DNER: variants seen among roughly 807,000 people sequenced by gnomAD.
DNER encodes the protein delta/notch like EGF repeat containing.
DNER carries 33 observed loss-of-function variants against 78.2 expected under a neutral mutation model. The observed-to-expected ratio is 0.42, with a 90% CI of 0.32 to 0.56. The LOEUF (loss-of-function observed/expected upper bound fraction) is 0.56. Ranked by LOEUF, DNER falls within the 20% of genes least tolerant of loss-of-function variation. DNER has a pLI of 0.11. For missense variants in DNER, 918 were observed against 975.3 expected (o/e 0.94, Z 0.78); for synonymous variants, 417 against 384.8 (o/e 1.08, Z -0.98).
At chr2:229,555,075 A>C (rs1269964035) in intron 4 of DNER, among the ~76,000 whole-genome samples, 2 of 152,084 alleles carry the variant, frequency 1.3e-5, no homozygotes, top group Non-Finnish European at 2.9e-5. Flanking sequence ...AGTCAGAGTG[A>C]GTGGAGACAT....
chr2:229,714,158 G>A lies in DNER; in HGVS notation c.266C>T (p.Ala89Val). The change falls in exon 1 of 13, where the codon GCC becomes GTC. Residue 89 changes from alanine to valine, a missense_variant. By Grantham distance (64) the Ala-to-Val change is moderately conservative. Coordinates refer to ENST00000341772, the MANE Select transcript of DNER (RefSeq NM_139072.4). The part of the protein sequence containing the change: ...SCTCPAGISG[A>V]NCQLVADPCA... ...GCCGCTTCCACTCACCTGGCAGTTG[G>A]CGCCGGAGATCCCGGCGGGGCAGGT... is the stretch of plus-strand genomic sequence containing the variant. 7.6e-7 allele frequency: 1 copy of A among 1,321,196 alleles called. No homozygotes were observed. The highest frequency in any genetic ancestry group is 9.6e-7 in the Non-Finnish European group (1 of 1,038,712). The allele number at this position is 1,321,196 out of a possible 1,614,324, so 81.8% of individuals were successfully genotyped here.
chr2:229,371,264 C>T (rs961616629), intron 11 of DNER, among the ~76,000 whole-genome samples: 1 of 152,212 alleles, frequency 6.6e-6, no homozygotes, highest in African/African-American at 2.4e-5. Flanking sequence ...CAGGTGCCTG[C>T]AACCACCATC....
intron 4 of DNER, among the ~76,000 whole-genome samples, chr2:229,564,513 TC>T (rs1697059871): frequency 6.8e-6 from 1 of 146,716 alleles, no homozygotes; most frequent in Admixed American, 6.8e-5. Flanking sequence ...ATCATCATCA[TC>T]CTCCTTACCC....
chr2:229,452,112 T>C (rs1694470269), intron 7 of DNER, among the ~76,000 whole-genome samples: 1 of 152,220 alleles, frequency 6.6e-6, no homozygotes, highest in South Asian at 2.1e-4. Context: ...ATTCTGAGGC[T>C]ACTGGATATC....
At chr2:229,500,184 C>G (rs905755680) in intron 6 of DNER, among the ~76,000 whole-genome samples, 2 of 152,290 alleles carry the variant, frequency 1.3e-5, no homozygotes, top group East Asian at 3.9e-4. Flanking sequence ...CTGCCCTCCT[C>G]GGCCTCTCAC....
chr2:229,580,092 C>T (rs1407783705), intron 4 of DNER: 1 of 152,140 alleles, frequency 6.6e-6, no homozygotes, highest in African/African-American at 2.4e-5. Context: ...TCTTTTCAGG[C>T]TAGAAATGTA....
At chr2:229,424,730 T>C (rs944074696) in intron 8 of DNER, among the ~76,000 whole-genome samples, 1 of 152,280 alleles carries the variant, frequency 6.6e-6, no homozygotes, top group South Asian at 2.1e-4. Context: ...CTTCAACATA[T>C]GAATTTGGGG....
intron 1 of DNER, among the ~76,000 whole-genome samples, chr2:229,697,200 G>A (rs1015805551): frequency 1.4e-4 from 21 of 152,196 alleles, no homozygotes; most frequent in Admixed American, 1.2e-3. Context: ...ATACTGCAAC[G>A]TGGATGAATC....
chr2:229,430,887 T>A (rs1421449980), intron 8 of DNER, among the ~76,000 whole-genome samples: 1 of 151,988 alleles, frequency 6.6e-6, no homozygotes, highest in Non-Finnish European at 1.5e-5. Flanking sequence ...ACCCTAACTT[T>A]TTAAAATATT....
chr2:229,358,743 TAAATGAAAC>T, intron 12 of DNER, 92 bp from the exon 13 acceptor site: 1 of 1,018,272 alleles, frequency 9.8e-7, no homozygotes, highest in East Asian at 2.5e-5. Flanking sequence ...ATGCATGAAT[TAAATGAAAC>T]TGTAAAAACA....
chr2:229,433,620 A>G (rs1462119589), intron 8 of DNER, among the ~76,000 whole-genome samples: 2 of 152,184 alleles, frequency 1.3e-5, no homozygotes, highest in African/African-American at 4.8e-5. Context: ...CGTGAGGGCA[A>G]TTTTTCCCAC....
intron 11 of DNER, among the ~76,000 whole-genome samples, chr2:229,376,053 C>T (rs190004086): frequency 6.6e-6 from 1 of 152,180 alleles, no homozygotes; most frequent in Admixed American, 6.5e-5. Flanking sequence ...ACTTGCTTCC[C>T]CTTCGCCTTT....
chr2:229,448,600 T>C (rs538913138), intron 7 of DNER, among the ~76,000 whole-genome samples: 2 of 152,338 alleles, frequency 1.3e-5, no homozygotes, highest in Admixed American at 1.3e-4. Context: ...GGTTACTGTG[T>C]AGGTGATTTT....
chr2:229,366,778 C>T, intron 12 of DNER, 95 bp downstream of exon 12: 2 of 1,542,484 alleles, frequency 1.3e-6, no homozygotes, highest in African/African-American at 2.7e-5. Flanking sequence ...TTAAAATCTC[C>T]TCTTTGCAAA....
At chr2:229,391,239 A>G (rs1204823206) in intron 10 of DNER, among the ~76,000 whole-genome samples, 1 of 152,240 alleles carries the variant, frequency 6.6e-6, no homozygotes, top group African/African-American at 2.4e-5. Flanking sequence ...GCATTTCAAC[A>G]CCACAACATT....
At chr2:229,479,443 T>A (rs1482871333) in intron 6 of DNER, among the ~76,000 whole-genome samples, 1 of 152,132 alleles carries the variant, frequency 6.6e-6, no homozygotes, top group Non-Finnish European at 1.5e-5. Flanking sequence ...CTAGGTGCGG[T>A]AGCTCATGCC....
intron 1 of DNER, among the ~76,000 whole-genome samples, chr2:229,685,980 G>A (rs79827785): frequency 0.026 from 4,027 of 152,184 alleles, 102 homozygotes; most frequent in Middle Eastern, 0.041. Flanking sequence ...GCTGAAAGAA[G>A]AGGGAGTTTT....
At chr2:229,553,577 C>T (rs1330965923) in intron 4 of DNER, among the ~76,000 whole-genome samples, 1 of 152,114 alleles carries the variant, frequency 6.6e-6, no homozygotes, top group Middle Eastern at 3.2e-3. Context: ...GTAACTGTGC[C>T]GAGTGAGAAA....
chr2:229,575,749 A>G (rs1697286825), intron 4 of DNER, among the ~76,000 whole-genome samples: 1 of 152,212 alleles, frequency 6.6e-6, no homozygotes, highest in Admixed American at 6.5e-5. Context: ...ACCACAATCA[A>G]CAGGTACCAA....
Sources: gnomAD v4.1 joint callset for allele counts (sites outside exome capture counted in the v4.1 genomes callset) on GRCh38, gnomAD v4.1.1 for gene constraint, MANE v1.5 for transcripts, NCBI Gene and HGNC (gene_info 2026-07-23, HGNC 2026-07-21) for gene names.